GSK3B: variants seen among roughly 807,000 people sequenced by gnomAD.
GSK3B encodes the protein glycogen synthase kinase-3 beta.
Under a neutral mutation model 56.4 loss-of-function variants are expected in GSK3B, and 15 were observed. The observed-to-expected ratio is 0.27, with a 90% CI of 0.18 to 0.41. GSK3B has a LOEUF of 0.41. Ranked by LOEUF, GSK3B falls within the 10% of genes least tolerant of loss-of-function variation. GSK3B has a pLI of 1.00. For synonymous variants in GSK3B, 181 were observed against 188.9 expected (o/e 0.96, Z 0.34); for missense variants, 300 against 513.4 (o/e 0.58, Z 4.02).
At chr3:120,066,190 A>C (rs942232136) in intron 1 of GSK3B, among the ~76,000 whole-genome samples, 12 of 152,152 alleles carry the variant, frequency 7.9e-5, no homozygotes, top group African/African-American at 2.4e-4. Context: ...TCCTAAAAAC[A>C]ACCACCAACC....
intron 10 of GSK3B, among the ~76,000 whole-genome samples, chr3:119,831,251 C>A (rs539038833): frequency 1.3e-5 from 2 of 152,182 alleles, no homozygotes; most frequent in East Asian, 1.9e-4. Flanking sequence ...GAAAAGATTT[C>A]CTAGCAAAAG....
intron 2 of GSK3B, among the ~76,000 whole-genome samples, chr3:119,983,141 A>G (rs2057480810): frequency 6.6e-6 from 1 of 152,218 alleles, no homozygotes; most frequent in South Asian, 2.1e-4. Context: ...AATCCTTTAC[A>G]GACAAGCAAA....
chr3:119,951,649 A>C (rs1191385024), intron 2 of GSK3B, among the ~76,000 whole-genome samples: 1 of 152,158 alleles, frequency 6.6e-6, no homozygotes, highest in Admixed American at 6.5e-5. Flanking sequence ...AGACATGCAA[A>C]CTACAGGAAA....
At chr3:120,027,217 A>C (rs1179009324) in intron 1 of GSK3B, among the ~76,000 whole-genome samples, 1 of 151,248 alleles carries the variant, frequency 6.6e-6, no homozygotes, top group East Asian at 2.0e-4. Flanking sequence ...TCTACTAAAA[A>C]TACCAAAAAA....
At chr3:119,914,640 A>T (rs1200382518) in intron 5 of GSK3B, among the ~76,000 whole-genome samples, 2 of 152,088 alleles carry the variant, frequency 1.3e-5, no homozygotes, top group Admixed American at 1.3e-4. Context: ...TAGTTCAGGG[A>T]ACAGAGTCAT....
intron 2 of GSK3B, among the ~76,000 whole-genome samples, chr3:119,968,608 A>T (rs543091041): frequency 6.6e-6 from 1 of 152,340 alleles, no homozygotes; most frequent in East Asian, 1.9e-4. Flanking sequence ...TTACTTCTTC[A>T]GCTTGATAAA....
At chr3:119,970,786 C>CAAAAAAACAAACAAACAAACA (rs1206673970) in intron 2 of GSK3B, among the ~76,000 whole-genome samples, 8 of 144,156 alleles carry the variant, frequency 5.5e-5, no homozygotes, top group African/African-American at 2.1e-4. Flanking sequence ...GACTCCGTTT[C>CAAAAAAACAAACAAACAAACA]AAAAAAACAA....
At chr3:119,935,999 A>ATT in intron 3 of GSK3B, among the ~76,000 whole-genome samples, 2 of 152,264 alleles carry the variant, frequency 1.3e-5, no homozygotes, top group Admixed American at 1.3e-4. Flanking sequence ...CACATAATCA[A>ATT]TAGAGAAAAA....
At position 119,826,875 on chromosome 3, in the gene GSK3B, A is replaced by C. The variant is rs200270062; in HGVS notation, c.1196-20T>G. On this transcript the variant is annotated intron_variant, in intron 10 of 10. Coordinates refer to ENST00000264235, the MANE Select transcript of GSK3B (RefSeq NM_001146156.2). ...TAGCATCTGCAAGTCAAAAAGTCCC[A>C]AGAGAGAGCATGAGCAATGCTATAA... 6.6e-7 allele frequency: 1 copy of C among 1,509,836 alleles called. No individual in the cohort carries two copies. The highest frequency in any genetic ancestry group is 9.2e-7 in the Non-Finnish European group (1 of 1,085,294). The allele number at this position is 1,509,836 out of a possible 1,614,324, so 93.5% of individuals were successfully genotyped here.
chr3:119,850,399 C>T (rs1397275090), intron 9 of GSK3B, among the ~76,000 whole-genome samples: 1 of 152,148 alleles, frequency 6.6e-6, no homozygotes, highest in East Asian at 1.9e-4. Flanking sequence ...AAATCCATTG[C>T]TTTCATCTGT....
chr3:120,049,092 G>C (rs2058126593), intron 1 of GSK3B, among the ~76,000 whole-genome samples: 2 of 152,186 alleles, frequency 1.3e-5, no homozygotes, highest in Non-Finnish European at 2.9e-5. Flanking sequence ...AAATGAATCT[G>C]TCTCTTCACT....
intron 2 of GSK3B, among the ~76,000 whole-genome samples, chr3:119,992,156 T>C (rs1036964302): frequency 1.3e-5 from 2 of 151,816 alleles, no homozygotes; most frequent in African/African-American, 4.8e-5. Flanking sequence ...TAAAAATAGG[T>C]AGGAAAACAC....
rs1308852250 is a variant in GSK3B at position 120,018,150 on chromosome 3, G to A, written c.89-15911C>T. ...ATTATCTCATTTGATCCAAGCAACA[G>A]TCCTACAAAGGAGGAAGAACCAGTA... On this transcript the variant is annotated intron_variant, in intron 1 of 10. Coordinates refer to ENST00000264235, the MANE Select transcript of GSK3B (RefSeq NM_001146156.2). 3.3e-5 allele frequency among the ~76,000 whole-genome samples: 5 copies of A among 152,178 alleles called. No homozygotes were observed. In the East Asian group the frequency reaches 9.6e-4, roughly 29 times the overall value.
chr3:119,940,095 AGTGT>A (rs1192254485), intron 3 of GSK3B, among the ~76,000 whole-genome samples: 1 of 133,882 alleles, frequency 7.5e-6, no homozygotes, highest in South Asian at 2.4e-4. Context: ...CAGTAACAAA[AGTGT>A]GTGTGTGTGT....
intron 2 of GSK3B, among the ~76,000 whole-genome samples, chr3:119,955,113 A>C (rs1290982594): frequency 6.6e-6 from 1 of 152,220 alleles, no homozygotes; most frequent in Non-Finnish European, 1.5e-5. Flanking sequence ...TGCAAAAAAA[A>C]TGAAGGTTAT....
chr3:120,022,748 C>A (rs1469515269), intron 1 of GSK3B, among the ~76,000 whole-genome samples: 1 of 152,192 alleles, frequency 6.6e-6, no homozygotes, highest in Non-Finnish European at 1.5e-5. Context: ...CAAAGCTCTA[C>A]TAGAAGAGAT....
intron 7 of GSK3B, among the ~76,000 whole-genome samples, chr3:119,887,011 T>C (rs1396136536): frequency 6.6e-6 from 1 of 151,912 alleles, no homozygotes; most frequent in Non-Finnish European, 1.5e-5. Flanking sequence ...AAAATAAAAG[T>C]TGGAAAAAAA....
At chr3:120,069,404 TCA>T (rs2058308358) in intron 1 of GSK3B, among the ~76,000 whole-genome samples, 1 of 152,158 alleles carries the variant, frequency 6.6e-6, no homozygotes, top group South Asian at 2.1e-4. Flanking sequence ...TTAACTCAAT[TCA>T]CAGTTAATAG....
chr3:119,862,211 C>T (rs1459626341), intron 9 of GSK3B, among the ~76,000 whole-genome samples: 7 of 147,436 alleles, frequency 4.7e-5, no homozygotes, highest in South Asian at 2.2e-4. Context: ...ATGATGAGTT[C>T]ATATCCTTTG....
Sources: gnomAD v4.1 joint callset for allele counts (sites outside exome capture counted in the v4.1 genomes callset) on GRCh38, gnomAD v4.1.1 for gene constraint, MANE v1.5 for transcripts, NCBI Gene and HGNC (gene_info 2026-07-23, HGNC 2026-07-21) for gene names.